Variants in SORCS1 observed in about 807,000 individuals in gnomAD.
The protein encoded by SORCS1 is sortilin related VPS10 domain containing receptor 1.
In SORCS1, 60 loss-of-function variants were observed where a neutral mutation model predicts 146.1. The ratio of observed to expected loss-of-function variants is 0.41; its 90% CI spans 0.33 to 0.51. SORCS1 has a LOEUF of 0.51. Ranked by LOEUF, SORCS1 falls within the 20% of genes least tolerant of loss-of-function variation. The probability of loss-of-function intolerance (pLI) is 0.21; values close to 1 mark genes in which losing one functional copy is unlikely to be tolerated. For missense variants in SORCS1, 1,352 were observed against 1,487.6 expected, an observed-to-expected ratio of 0.91 and a Z score of 1.50; for synonymous variants, 637 against 584.0, an observed-to-expected ratio of 1.09 and a Z score of -1.31.
intron 2 of SORCS1, among the ~76,000 whole-genome samples, chr10:106,836,578 T>C (rs1948799659): frequency 6.7e-6 from 1 of 148,882 alleles, no homozygotes; most frequent in African/African-American, 2.5e-5. Flanking sequence ...CCGGGAGAAA[T>C]CTGCAGTTAA....
chr10:106,673,290 C>T (rs187427634), intron 14 of SORCS1, among the ~76,000 whole-genome samples: 4 of 152,028 alleles, frequency 2.6e-5, no homozygotes, highest in African/African-American at 7.2e-5. Flanking sequence ...AGCCACCACA[C>T]CAAGCTAATT....
At chr10:106,777,812 C>A (rs1860566953) in intron 3 of SORCS1, among the ~76,000 whole-genome samples, 1 of 152,186 alleles carries the variant, frequency 6.6e-6, no homozygotes. Context: ...CCTAATGTCT[C>A]CAGACAGGTG....
intron 2 of SORCS1, among the ~76,000 whole-genome samples, chr10:106,907,759 T>C (rs923904451): frequency 2.0e-5 from 3 of 151,952 alleles, no homozygotes; most frequent in African/African-American, 7.3e-5. Flanking sequence ...AAAATCTGTC[T>C]CTACCAAAAA....
At chr10:106,907,735 C>T (rs189485253) in intron 2 of SORCS1, among the ~76,000 whole-genome samples, 5 of 151,842 alleles carry the variant, frequency 3.3e-5, no homozygotes. Context: ...GAGACCAGCC[C>T]GACCAACATG....
chr10:106,917,779 T>C (rs1952516193), intron 2 of SORCS1, among the ~76,000 whole-genome samples: 1 of 152,208 alleles, frequency 6.6e-6, no homozygotes, highest in Non-Finnish European at 1.5e-5. Context: ...AATCTCTGGG[T>C]TCTAAAGAGT....
intron 6 of SORCS1, among the ~76,000 whole-genome samples, chr10:106,723,551 A>G (rs1322014922): frequency 6.6e-6 from 1 of 152,210 alleles, no homozygotes; most frequent in Non-Finnish European, 1.5e-5. Flanking sequence ...ACCTCCCGTG[A>G]TTGATTGTAG....
intron 2 of SORCS1, among the ~76,000 whole-genome samples, chr10:106,861,946 C>G (rs1252569279): frequency 1.3e-5 from 2 of 152,130 alleles, no homozygotes; most frequent in Non-Finnish European, 2.9e-5. Context: ...TGTTAGGTTT[C>G]TTTCTTTTCT....
chr10:107,085,014 G>A (rs557981336), intron 1 of SORCS1, among the ~76,000 whole-genome samples: 4 of 152,270 alleles, frequency 2.6e-5, no homozygotes, highest in South Asian at 2.1e-4. Context: ...CTTGATGAGC[G>A]TTCAGAGCAG....
intron 22 of SORCS1, among the ~76,000 whole-genome samples, 179 bp from the exon 23 acceptor site, chr10:106,607,476 G>C (rs1396966802): frequency 6.6e-6 from 1 of 152,162 alleles, no homozygotes; most frequent in African/African-American, 2.4e-5. Context: ...TTAGGTCCAG[G>C]CTCCGGAGTC....
intron 1 of SORCS1, among the ~76,000 whole-genome samples, chr10:107,062,487 C>G (rs148780215): frequency 6.6e-6 from 1 of 151,874 alleles, no homozygotes; most frequent in Non-Finnish European, 1.5e-5. Flanking sequence ...TTAAAATACT[C>G]ATGAAAACAG....
At position 106,767,601 on chromosome 10, in the gene SORCS1, G is replaced by T. The variant is rs1230606282; in HGVS notation, c.886-5940C>A. ...CCTCCAGGGTTCAAGAGATTCCCCT[G>T]CCTCAGCCTCCCCATTAGCTAGGAT... is the stretch of plus-strand genomic sequence containing the variant. On this transcript the variant is annotated intron_variant, in intron 4 of 25. Coordinates refer to ENST00000263054, the MANE Select transcript of SORCS1 (RefSeq NM_052918.5). 4.6e-5 allele frequency among the ~76,000 whole-genome samples: 7 copies of T among 152,156 alleles called. No homozygotes were observed. The East Asian group carries it at 1.4e-3, about 29-fold the overall frequency.
chr10:106,786,305 G>C (rs1390822440), intron 3 of SORCS1, among the ~76,000 whole-genome samples: 4 of 152,174 alleles, frequency 2.6e-5, no homozygotes, highest in Non-Finnish European at 5.9e-5. Flanking sequence ...GTCAACTGTG[G>C]TGGCCAGAGT....
chr10:106,667,702 G>C lies in SORCS1; in HGVS notation c.2290C>G (p.Leu764Val). Residue 764 changes from leucine to valine, a missense_variant, in exon 17 of 26, where the codon CTC (leucine) becomes GTC (valine). Leu to Val is a conservative substitution (Grantham distance 32, BLOSUM62 1). Transcript: ENST00000263054. Reference sequence around the variant, plus strand: ...CCAGACACTTACCCAGTACTATTGAGGTAACTCTGTCCCAAGCTGCAATCC... The same window carrying C: ...CCAGACACTTACCCAGTACTATTGACGTAACTCTGTCCCAAGCTGCAATCC... ...SKDCSLGQSY[L>V]NSTGYRKVVS... 6.2e-7 allele frequency: 1 copy of C among 1,613,742 alleles called. No homozygotes were observed. Among genetic ancestry groups the C allele is most frequent in the Non-Finnish European group, 8.5e-7 (1 of 1,179,822 alleles).
chr10:107,087,939 G>A (rs1963880420), intron 1 of SORCS1, among the ~76,000 whole-genome samples: 1 of 152,062 alleles, frequency 6.6e-6, no homozygotes, highest in South Asian at 2.1e-4. Flanking sequence ...TTTATTTTGA[G>A]ACGGAGTCTC....
chr10:107,081,267 A>T (rs1389443529), intron 1 of SORCS1, among the ~76,000 whole-genome samples: 1 of 152,240 alleles, frequency 6.6e-6, no homozygotes, highest in Non-Finnish European at 1.5e-5. Flanking sequence ...AATACGTCTC[A>T]GGTTACCACG....
At chr10:106,734,111 T>G (rs1856791596) in intron 5 of SORCS1, among the ~76,000 whole-genome samples, 1 of 152,148 alleles carries the variant, frequency 6.6e-6, no homozygotes, top group Non-Finnish European at 1.5e-5. Flanking sequence ...GATAAAAATT[T>G]TGTCTAGGAT....
chr10:106,678,601 T>G (rs752742662), intron 12 of SORCS1, among the ~76,000 whole-genome samples: 3 of 152,226 alleles, frequency 2.0e-5, no homozygotes, highest in Non-Finnish European at 4.4e-5. Context: ...CAACCAAGCA[T>G]TAGGTGCATA....
chr10:106,692,217 T>A (rs1853346557), intron 9 of SORCS1, among the ~76,000 whole-genome samples: 1 of 152,026 alleles, frequency 6.6e-6, no homozygotes, highest in African/African-American at 2.4e-5. Flanking sequence ...AATTTTGGGT[T>A]CTTTTGTTTG....
chr10:106,906,019 T>C (rs1369748831), intron 2 of SORCS1, among the ~76,000 whole-genome samples: 2 of 152,234 alleles, frequency 1.3e-5, no homozygotes, highest in Non-Finnish European at 2.9e-5. Context: ...CTTTCATCCT[T>C]TGGGAAAACT....
Sources: allele counts gnomAD v4.1 joint callset (sites outside exome capture counted in the v4.1 genomes callset), GRCh38; gene constraint gnomAD v4.1.1; transcripts MANE v1.5; gene names NCBI Gene and HGNC (gene_info 2026-07-23, HGNC 2026-07-21).